The following AARSD1 variants were observed in gnomAD, a reference collection of about 807,000 sequenced individuals.
AARSD1 encodes the protein alanyl-tRNA editing protein Aarsd1.
Under a neutral mutation model 48.7 loss-of-function variants are expected in AARSD1, and 44 were observed. The observed-to-expected ratio is 0.90, with a 90% CI of 0.71 to 1.16. The LOEUF is 1.16. Among genes scored for constraint, AARSD1 ranks in the 50% most tolerant of loss-of-function variants. The pLI is 0.00. For missense variants in AARSD1, 511 were observed against 523.1 expected (o/e 0.98, Z 0.23); for synonymous variants, 189 against 194.9 (o/e 0.97, Z 0.25).
chr17:42,958,101 C>G (rs957505068), intron 3 of AARSD1, among the ~76,000 whole-genome samples: 4 of 152,150 alleles, frequency 2.6e-5, no homozygotes, highest in Non-Finnish European at 5.9e-5. Flanking sequence ...AAGAGCCACC[C>G]AGATACAGCT....
chr17:42,964,360 T>G, intron 1 of AARSD1, 42 bp downstream of exon 1: 1 of 1,566,196 alleles, frequency 6.4e-7, no homozygotes, highest in Non-Finnish European at 8.7e-7. Context: ...CAAACCGCCT[T>G]GCCGGCCCGG....
At chr17:42,963,970 T>G in intron 2 of AARSD1, 136 bp downstream of exon 2, 1 of 1,447,892 alleles carries the variant, frequency 6.9e-7, no homozygotes, top group Non-Finnish European at 9.2e-7. Flanking sequence ...TGATAAATAC[T>G]CATTAAATGA....
chr17:42,963,012 G>C (rs984406908), intron 2 of AARSD1, among the ~76,000 whole-genome samples: 1 of 152,050 alleles, frequency 6.6e-6, no homozygotes, highest in Non-Finnish European at 1.5e-5. Context: ...GACATAGCAA[G>C]ATCCTGTCTC....
Position 42,964,095 on chromosome 17 carries a change from C to A in AARSD1, c.171+11G>T, listed in dbSNP as rs1678766725. 6.2e-7 allele frequency: 1 copy of A among 1,614,032 alleles called. No homozygotes were observed. Among genetic ancestry groups the A allele is most frequent in the Non-Finnish European group, 8.5e-7 (1 of 1,180,004 alleles). On this transcript the variant is annotated intron_variant, in intron 2 of 11. Coordinates refer to ENST00000427569, the MANE Select transcript of AARSD1 (RefSeq NM_001261434.2). Reference sequence around the variant, plus strand: ...AACTGGGGGCTTCCTGGGAAGAGATCGTTTTGGTACCTGTCCCCCGCCCTC... The same window carrying A: ...AACTGGGGGCTTCCTGGGAAGAGATAGTTTTGGTACCTGTCCCCCGCCCTC...
At chr17:42,953,200 G>A (rs538004452) in intron 10 of AARSD1, among the ~76,000 whole-genome samples, 6 of 151,982 alleles carry the variant, frequency 3.9e-5, no homozygotes, top group Admixed American at 2.6e-4. Context: ...GGGTGGTCTC[G>A]AACTCCTGAG....
At chr17:42,959,180 G>A (rs1339407227) in intron 3 of AARSD1, among the ~76,000 whole-genome samples, 19 of 124,224 alleles carry the variant, frequency 1.5e-4, no homozygotes, top group African/African-American at 5.5e-4. Flanking sequence ...CTGGGTGACA[G>A]AGCGAGACTT....
chr17:42,950,675 C>T lies in AARSD1; in HGVS notation c.1157G>A (p.Gly386Asp). ...CCGCCGGCTCATCTTGGTGGCCTTG[C>T]CCTGAAAACGGCCTTTCTTCCCTGC... is the stretch of plus-strand genomic sequence containing the variant. ...KGAGKKGRFQ[G>D]KATKMSRRME... The change falls in exon 12 of 12, where the codon GGC (glycine) becomes GAC (aspartate). Residue 386 changes from glycine (G) to aspartate (D), a missense_variant. Coordinates refer to ENST00000427569, the MANE Select transcript of AARSD1 (RefSeq NM_001261434.2). 1 of 1,613,940 alleles carries T rather than the reference C, an allele frequency of 6.2e-7. No individual in the cohort carries two copies. Among genetic ancestry groups the T allele is most frequent in the Admixed American group, 1.7e-5 (1 of 59,996 alleles).
chr17:42,959,951 C>T (rs540462871), intron 3 of AARSD1, among the ~76,000 whole-genome samples: 6 of 152,038 alleles, frequency 3.9e-5, no homozygotes, highest in South Asian at 2.1e-4. Context: ...CGTGAGCCAC[C>T]GCACCTGGCT....
At chr17:42,956,590 A>AT (rs2151941333) in intron 4 of AARSD1, 30 bp from the exon 5 acceptor site, 3 of 1,563,418 alleles carry the variant, frequency 1.9e-6, no homozygotes, top group Non-Finnish European at 1.7e-6. Flanking sequence ...CACAGATAAC[A>AT]TATCTTACTG....
At position 42,951,784 on chromosome 17, in the gene AARSD1, G is replaced by C. The variant is rs749352159; in HGVS notation, c.1103+16C>G. On this transcript the variant is annotated intron_variant, in intron 11 of 11. Transcript: ENST00000427569. ...CAGGCTCTACTACATGTGCAAGAGA[G>C]TCCACAAAGAATTACCTGGGCCCCA... The C allele has an allele frequency of 6.8e-6, 11 of 1,613,414 alleles. No individual in the cohort carries two copies. In the East Asian group the frequency reaches 2.4e-4, roughly 36 times the overall value.
chr17:42,951,689 T>G, intron 11 of AARSD1, 111 bp downstream of exon 11: 5 of 1,145,976 alleles, frequency 4.4e-6, no homozygotes, highest in Non-Finnish European at 6.3e-6. Flanking sequence ...CACATGCCCA[T>G]GATGTGAATT....
At chr17:42,955,005 G>A in intron 8 of AARSD1, 38 bp from the exon 9 acceptor site, 2 of 1,613,602 alleles carry the variant, frequency 1.2e-6, no homozygotes, top group African/African-American at 1.3e-5. Flanking sequence ...TAAATGGAAA[G>A]GATAACAATA....
Position 42,953,736 on chromosome 17 carries a change from C to A in AARSD1, c.996G>T (p.Glu332Asp), listed in dbSNP as rs370114932. The A allele has an allele frequency of 6.2e-6, 10 of 1,614,064 alleles. No homozygotes were observed. The African/African-American group carries it at 1.3e-4, about 22-fold the overall frequency. ...ATGCTCCTCTTACCTCTGACCCAAT[C>A]TCATTGGCAATGATATTCATGAACT... ...DSEFMNIIANEIGSEETLLFL... is the reference protein window; with the variant it reads ...DSEFMNIIANDIGSEETLLFL... The change falls in exon 10 of 12, where the codon GAG becomes GAT. Residue 332 changes from glutamate to aspartate, a missense_variant. Glu to Asp is a conservative substitution (Grantham distance 45). Coordinates refer to ENST00000427569, the MANE Select transcript of AARSD1 (RefSeq NM_001261434.2).
In AARSD1 at chr17:42,964,206, G is replaced by A. The variant is rs200949352; in HGVS notation, c.71C>T (p.Ala24Val). 1.1e-4 allele frequency: 171 copies of A among 1,614,062 alleles called. No homozygotes were observed. The highest frequency in any genetic ancestry group is 2.6e-5 in the Non-Finnish European group (31 of 1,180,054). The stretch of plus-strand genomic sequence containing the variant: ...GTTGCTCCCTTCAGTCTGCAGCTCC[G>A]CGGGACAGCAGGAGACCACGGTGGT... ...FTTTVVSCCP[A>V]ELQTEGSNGK... The change falls in exon 2 of 12, where the codon GCG (alanine) becomes GTG (valine). Residue 24 changes from alanine to valine, a missense_variant. Transcript: ENST00000427569.
At chr17:42,960,586 G>C (rs954348448) in intron 3 of AARSD1, among the ~76,000 whole-genome samples, 16 of 151,762 alleles carry the variant, frequency 1.1e-4, no homozygotes, top group African/African-American at 3.9e-4. Flanking sequence ...GCTGGGCATG[G>C]TGGTGGGGGC....
chr17:42,964,158 C>T lies in AARSD1; in HGVS notation c.119G>A (p.Gly40Asp), dbSNP rs769792797. The T allele has an allele frequency of 6.2e-7, 1 of 1,614,240 alleles. No individual in the cohort carries two copies. Among genetic ancestry groups the T allele is most frequent in the Non-Finnish European group, 8.5e-7 (1 of 1,180,052 alleles). Residue 40 changes from glycine to aspartate, a missense_variant, in exon 2 of 12, where the codon GGT (glycine) becomes GAT (aspartate). Gly to Asp is a moderately conservative substitution (Grantham distance 94). Coordinates refer to ENST00000427569, the MANE Select transcript of AARSD1 (RefSeq NM_001261434.2). ...GSNGKKEVLS[G>D]FQVVLEDTVL... is the part of the protein sequence containing the mutation. ...TGTGTCTTCCAGCACCACTTGGAAA[C>T]CGCTCAGCACTTCTTTCTTGCCGTT... is the stretch of plus-strand genomic sequence containing the variant.
rs1416225755 is a variant in AARSD1, at chr17:42,961,177, C to T, written c.331+15G>A. The T allele has an allele frequency of 6.2e-7, 1 of 1,601,770 alleles. No individual in the cohort carries two copies. Among genetic ancestry groups the T allele is most frequent in the East Asian group, 2.2e-5 (1 of 44,602 alleles). ...GCAACTGCTCCGGTGTTATGTCCCC[C>T]ATCCCAGCCTTTACCTGAATGCTGC... On this transcript the variant is annotated intron_variant, in intron 3 of 11. Coordinates refer to ENST00000427569, the MANE Select transcript of AARSD1 (RefSeq NM_001261434.2).
At chr17:42,953,574 G>T in intron 10 of AARSD1, 150 bp downstream of exon 10, 1 of 962,322 alleles carries the variant, frequency 1.0e-6, no homozygotes, top group Non-Finnish European at 1.6e-6. Context: ...TTGGCATATA[G>T]CTAGTACTAA....
intron 10 of AARSD1, among the ~76,000 whole-genome samples, chr17:42,952,741 G>A (rs1567714742): frequency 1.3e-5 from 2 of 151,826 alleles, no homozygotes; most frequent in Admixed American, 6.6e-5. Context: ...ATCAGGAGTG[G>A]GAAGAGTAAG....
Sources: gnomAD v4.1 joint callset for allele counts (sites outside exome capture counted in the v4.1 genomes callset) on GRCh38, gnomAD v4.1.1 for gene constraint, MANE v1.5 for transcripts, NCBI Gene and HGNC (gene_info 2026-07-23, HGNC 2026-07-21) for gene names.